CSMD2: variants seen among roughly 807,000 people sequenced by gnomAD.
The protein encoded by CSMD2 is CUB and sushi domain-containing protein 2.
CSMD2 carries 130 observed loss-of-function variants against 398.5 expected under a neutral mutation model. The ratio of observed to expected loss-of-function variants is 0.33; its 90% confidence interval spans 0.28 to 0.38. The LOEUF (loss-of-function observed/expected upper bound fraction) is 0.38, where lower values mean the gene tolerates loss of function less well. Ranked by LOEUF, CSMD2 falls within the 10% of genes least tolerant of loss-of-function variation. The pLI is 1.00. For synonymous variants in CSMD2, 1,828 were observed against 1,908.5 expected, an observed-to-expected ratio of 0.96 and a Z score of 1.10; for missense variants, 3,829 against 4,764.9, an observed-to-expected ratio of 0.80 and a Z score of 5.78.
At chr1:33,790,800 A>AATAT (rs1343006984) in intron 11 of CSMD2, among the ~76,000 whole-genome samples, 1 of 102,926 alleles carries the variant, frequency 9.7e-6, no homozygotes, top group African/African-American at 3.9e-5. Context: ...TCATCTCTCT[A>AATAT]ATATCTATCT....
intron 1 of CSMD2, among the ~76,000 whole-genome samples, chr1:34,104,630 A>G (rs1660342490): frequency 6.6e-6 from 1 of 152,182 alleles, no homozygotes; most frequent in Non-Finnish European, 1.5e-5. Flanking sequence ...GATGCTGGAT[A>G]AATCATCACG....
intron 3 of CSMD2, among the ~76,000 whole-genome samples, chr1:33,995,062 C>CA (rs750156979): frequency 1.5e-3 from 189 of 129,388 alleles, no homozygotes; most frequent in Middle Eastern, 0.012. Flanking sequence ...GACTCCGTCT[C>CA]AAAAAAAAGA....
chr1:34,067,137 T>C (rs1338721766), intron 2 of CSMD2, among the ~76,000 whole-genome samples: 1 of 152,144 alleles, frequency 6.6e-6, no homozygotes, highest in Admixed American at 6.5e-5. Context: ...AGCTCCCTCA[T>C]ACATGAGTTA....
Position 33,698,809 on chromosome 1 carries a change from A to C in CSMD2, c.3869T>G (p.Leu1290Arg), listed in dbSNP as rs776477465. The C allele has an allele frequency of 1.2e-6, 2 of 1,614,158 alleles. No homozygotes were observed. The highest frequency in any genetic ancestry group is 1.7e-5 in the Admixed American group (1 of 60,020). Reference protein sequence around the residue: ...PGYSLRGSEELLCLSGERRTW... With the variant: ...PGYSLRGSEERLCLSGERRTW... ...CCGGCGCTCTCCACTCAGACACAGC[A>C]GCTCCTCACTACCCCGCAGGCTGTA... The change falls in exon 24 of 71, where the codon CTG becomes CGG. Residue 1290 changes from leucine to arginine, a missense_variant. Physicochemically the swap from Leu to Arg is moderately radical, Grantham distance 102. Around this residue, in one of 5 missense-constraint regions of CSMD2, gnomAD observed 2,001 missense variants for 2,567.1 expected, o/e 0.78. Transcript: ENST00000373381.
At chr1:33,605,576 T>C in intron 41 of CSMD2, 106 bp from the exon 42 acceptor site, 1 of 1,145,512 alleles carries the variant, frequency 8.7e-7, no homozygotes, top group South Asian at 1.5e-5. Flanking sequence ...AGATGGACCT[T>C]TGTCATGTAC....
chr1:34,002,735 A>C (rs1646939762), intron 3 of CSMD2, among the ~76,000 whole-genome samples: 1 of 152,236 alleles, frequency 6.6e-6, no homozygotes, highest in Non-Finnish European at 1.5e-5. Context: ...TAATTAACAA[A>C]AGGCCTAAGC....
intron 5 of CSMD2, among the ~76,000 whole-genome samples, chr1:33,912,267 G>T (rs983408762): frequency 6.6e-6 from 1 of 152,232 alleles, no homozygotes; most frequent in African/African-American, 2.4e-5. Flanking sequence ...AGTGGCCAGG[G>T]CAAGGAAGAG....
In CSMD2 at chr1:34,141,606, C is replaced by A. The variant is rs557434047; in HGVS notation, c.187+23305G>T. Among the ~76,000 whole-genome samples, 3 of 152,264 alleles carry A rather than the reference C, an allele frequency of 2.0e-5. No individual in the cohort carries two copies. The South Asian group carries it at 6.2e-4, about 32-fold the overall frequency. ...AACACCCAGTGTGTCTGAGGAACAGCAGAGAAGCCACTGGCCGGAGCAGAG... is the reference window on the plus strand; with the variant it reads ...AACACCCAGTGTGTCTGAGGAACAGAAGAGAAGCCACTGGCCGGAGCAGAG... On this transcript the variant is annotated intron_variant, in intron 1 of 70. Coordinates refer to ENST00000373381, the MANE Select transcript of CSMD2 (RefSeq NM_001281956.2).
intron 3 of CSMD2, among the ~76,000 whole-genome samples, chr1:33,977,933 C>T (rs1209935495): frequency 2.0e-5 from 3 of 151,986 alleles, no homozygotes; most frequent in African/African-American, 4.8e-5. Context: ...GGGTCCCGGT[C>T]GGGGCTGACA....
intron 6 of CSMD2, among the ~76,000 whole-genome samples, chr1:33,831,840 A>G (rs975954892): frequency 1.3e-5 from 2 of 151,612 alleles, no homozygotes; most frequent in Non-Finnish European, 2.9e-5. Context: ...ATGGAAAACA[A>G]AAAAAGGCAG....
intron 3 of CSMD2, among the ~76,000 whole-genome samples, chr1:34,024,432 A>G (rs1649358575): frequency 6.6e-6 from 1 of 152,124 alleles, no homozygotes; most frequent in African/African-American, 2.4e-5. Context: ...CTATGTTAAT[A>G]CTCTTCCCCA....
At chr1:34,125,138 A>G (rs1382080520) in intron 1 of CSMD2, among the ~76,000 whole-genome samples, 1 of 152,236 alleles carries the variant, frequency 6.6e-6, no homozygotes, top group Non-Finnish European at 1.5e-5. Context: ...ATCCCTCTAT[A>G]GTGGAATCAG....
At chr1:33,783,077 G>C (rs1000457426) in intron 12 of CSMD2, among the ~76,000 whole-genome samples, 2 of 152,106 alleles carry the variant, frequency 1.3e-5, no homozygotes. Flanking sequence ...GCGGAAAACT[G>C]ACAGAATCTG....
At chr1:33,661,882 G>A (rs940594485) in intron 26 of CSMD2, among the ~76,000 whole-genome samples, 28 of 152,080 alleles carry the variant, frequency 1.8e-4, no homozygotes, top group African/African-American at 6.5e-4. Context: ...GCAAAGCCAC[G>A]GCACAGGTGC....
At chr1:33,879,266 A>G (rs1026415737) in intron 5 of CSMD2, among the ~76,000 whole-genome samples, 3 of 152,126 alleles carry the variant, frequency 2.0e-5, no homozygotes, top group African/African-American at 7.2e-5. Flanking sequence ...ACCTCCCACT[A>G]AGATCCCAGG....
At chr1:33,676,041 A>C (rs1184498459) in intron 25 of CSMD2, among the ~76,000 whole-genome samples, 1 of 152,210 alleles carries the variant, frequency 6.6e-6, no homozygotes, top group Non-Finnish European at 1.5e-5. Flanking sequence ...CCCTTTGAAA[A>C]CTGGCACAAG....
At chr1:33,639,475 C>T (rs1274982325) in intron 29 of CSMD2, among the ~76,000 whole-genome samples, 1 of 152,132 alleles carries the variant, frequency 6.6e-6, no homozygotes, top group Non-Finnish European at 1.5e-5. Context: ...TTTTCTTTCC[C>T]TGGTTATAAC....
chr1:33,883,457 C>T (rs1037073734), intron 5 of CSMD2, among the ~76,000 whole-genome samples: 1 of 151,998 alleles, frequency 6.6e-6, no homozygotes, highest in African/African-American at 2.4e-5. Context: ...TGTTAGGTCC[C>T]CTCACAGTTG....
chr1:34,060,651 C>CT (rs112747275), intron 2 of CSMD2, among the ~76,000 whole-genome samples: 5,950 of 144,592 alleles, frequency 0.041, 125 homozygotes, highest in East Asian at 0.063. Flanking sequence ...TCCCTGTTTC[C>CT]TTTTTTTTTT....
Sources: allele counts gnomAD v4.1 joint callset (sites outside exome capture counted in the v4.1 genomes callset), GRCh38; gene constraint gnomAD v4.1.1; regional missense constraint gnomAD v4.1.1; transcripts MANE v1.5; gene names NCBI Gene and HGNC (gene_info 2026-07-23, HGNC 2026-07-21).